Variants in GRK5 observed in about 807,000 individuals in gnomAD.
GRK5 encodes the protein g protein-coupled receptor kinase GRK5.
In GRK5, 40 loss-of-function variants were observed where a neutral mutation model predicts 78.4. The ratio of observed to expected loss-of-function variants is 0.51; its 90% confidence interval spans 0.40 to 0.66. The LOEUF is 0.66. GRK5 is among the 30% of genes least tolerant of loss of function. The pLI, the probability that GRK5 is intolerant of heterozygous loss-of-function variation, is 0.00. For missense variants in GRK5, 598 were observed against 759.9 expected (o/e 0.79, Z 2.50); for synonymous variants, 289 against 296.8 (o/e 0.97, Z 0.27).
At chr10:119,319,307 A>G (rs1197074097) in intron 1 of GRK5, among the ~76,000 whole-genome samples, 1 of 152,226 alleles carries the variant, frequency 6.6e-6, no homozygotes, top group Non-Finnish European at 1.5e-5. Context: ...GGCCAGTGGC[A>G]GCCCGAGCCA....
intron 1 of GRK5, among the ~76,000 whole-genome samples, chr10:119,275,737 G>A (rs1361505469): frequency 3.3e-5 from 5 of 152,106 alleles, no homozygotes; most frequent in Non-Finnish European, 7.4e-5. Flanking sequence ...AAAATTAGAT[G>A]GGTGCGTTTG....
intron 1 of GRK5, among the ~76,000 whole-genome samples, chr10:119,260,205 G>T (rs1849351220): frequency 6.6e-6 from 1 of 152,080 alleles, no homozygotes; most frequent in South Asian, 2.1e-4. Context: ...GTTTCATCGT[G>T]TTAGCCAGGA....
At position 119,455,419 on chromosome 10, in the gene GRK5, T is replaced by A; in HGVS notation, c.*352T>A. The A allele has an allele frequency of 2.2e-6, 1 of 451,408 alleles. No homozygotes were observed. The highest frequency in any genetic ancestry group is 1.8e-5 in the South Asian group (1 of 56,832). 28.0% of individuals were successfully genotyped at this position (451,408 alleles called of 1,614,324 possible). A position where few individuals can be genotyped will look rare whatever the true frequency, so the allele number is the denominator to read the frequency against. On this transcript the variant is annotated 3_prime_UTR_variant, in exon 16 of 16. Transcript: ENST00000392870. ...AAAAGTTTTGTAAATTTCTCTACTG[T>A]CTCAGTTTACATTTTGTATATTTGT...
intron 2 of GRK5, among the ~76,000 whole-genome samples, chr10:119,365,074 G>A (rs913483396): frequency 7.2e-5 from 11 of 152,280 alleles, no homozygotes; most frequent in Middle Eastern, 3.4e-3. Flanking sequence ...GCATTAACAC[G>A]GAGCAGCAGC....
intron 1 of GRK5, among the ~76,000 whole-genome samples, chr10:119,306,537 CTG>C (rs993126142): frequency 4.3e-4 from 65 of 152,276 alleles, no homozygotes; most frequent in African/African-American, 1.3e-3. Flanking sequence ...CAAACCCACA[CTG>C]AGATCACACA....
At position 119,431,599 on chromosome 10, in the gene GRK5, C is replaced by T. The variant is rs561429004; in HGVS notation, c.738+72C>T. 3.9e-5 allele frequency: 60 copies of T among 1,540,222 alleles called. No homozygotes were observed. Among genetic ancestry groups the T allele is most frequent in the South Asian group, 4.9e-5 (4 of 81,968 alleles). ...TGGGGCTTCCCTCCCTCCGGAAGGG[C>T]GTGGTCCTCTAATGCGGCCGGTCCC... On this transcript the variant is annotated intron_variant, in intron 8 of 15. Coordinates refer to ENST00000392870, the MANE Select transcript of GRK5 (RefSeq NM_005308.3). This position sits in a 1 kb window ranked among gnomAD's most constrained non-coding sequence, Gnocchi z 4.8.
intron 1 of GRK5, among the ~76,000 whole-genome samples, chr10:119,270,239 T>C (rs1008236701): frequency 2.0e-5 from 3 of 152,004 alleles, no homozygotes; most frequent in Non-Finnish European, 4.4e-5. Flanking sequence ...TGTGTAATTG[T>C]ACCTTCATTG....
At chr10:119,427,816 ACCATCATCAGCATCACTG>A (rs1340652431) in intron 6 of GRK5, among the ~76,000 whole-genome samples, 2 of 138,122 alleles carry the variant, frequency 1.4e-5, no homozygotes, top group African/African-American at 5.0e-5. Context: ...CAGCATCACC[ACCATCATCAGCATCACTG>A]CCATCATCAG....
At chr10:119,410,694 G>A (rs1017397526) in intron 4 of GRK5, among the ~76,000 whole-genome samples, 3 of 152,106 alleles carry the variant, frequency 2.0e-5, no homozygotes, top group African/African-American at 7.2e-5. Flanking sequence ...GTCTAGAAAA[G>A]TGTCAGTTCT....
Position 119,238,448 on chromosome 10 carries a change from T to G in GRK5, c.52+30479T>G, listed in dbSNP as rs936542945. The stretch of plus-strand genomic sequence containing the variant: ...GACCCAATGGTCTCCCCAGCCTTCT[T>G]TGTTCTGATACTACACACCCCACCC... On this transcript the variant is annotated intron_variant, in intron 1 of 15. Transcript: ENST00000392870. This position sits in a 1 kb window ranked among gnomAD's most constrained non-coding sequence, Gnocchi z 4.7. 3.3e-5 allele frequency among the ~76,000 whole-genome samples: 5 copies of G among 152,170 alleles called. No individual in the cohort carries two copies. The highest frequency in any genetic ancestry group is 5.9e-5 in the Non-Finnish European group (4 of 68,026).
intron 1 of GRK5, among the ~76,000 whole-genome samples, chr10:119,276,469 A>G (rs914098034): frequency 1.3e-5 from 2 of 152,158 alleles, no homozygotes; most frequent in African/African-American, 4.8e-5. Context: ...CATGGTGTAT[A>G]TGTGCCACAT....
rs771027736 is a variant in GRK5 at position 119,455,104 on chromosome 10, C to A, written c.*37C>A. 6.9e-7 allele frequency: 1 copy of A among 1,453,440 alleles called. No individual in the cohort carries two copies. Among genetic ancestry groups the A allele is most frequent in the Non-Finnish European group, 9.7e-7 (1 of 1,033,878 alleles). 90.0% of individuals were successfully genotyped at this position (1,453,440 alleles called of 1,614,324 possible). The stretch of plus-strand genomic sequence containing the variant: ...GCCTCCAAGTCCACAGTGGAACCAG[C>A]CCAGACCCTTCTCCTTAGAAGTGGA... On this transcript the variant is annotated 3_prime_UTR_variant, in exon 16 of 16. Transcript: ENST00000392870.
chr10:119,412,212 C>A lies in GRK5; in HGVS notation c.340-10954C>A, dbSNP rs1312514785. ...CATGGGAAACGGTGAGCATCACCTT[C>A]CTTTGAACTCAAAAGAGGCACAGTG... On this transcript the variant is annotated intron_variant, in intron 4 of 15. Transcript: ENST00000392870. This position sits in a 1 kb window ranked among gnomAD's most constrained non-coding sequence, Gnocchi z 4.3. Among the ~76,000 whole-genome samples, 2 of 152,126 alleles carry A rather than the reference C, an allele frequency of 1.3e-5. No homozygotes were observed. The highest frequency in any genetic ancestry group is 2.4e-5 in the African/African-American group (1 of 41,424).
chr10:119,241,779 T>C (rs1299870247), intron 1 of GRK5, among the ~76,000 whole-genome samples: 1 of 152,034 alleles, frequency 6.6e-6, no homozygotes, highest in African/African-American at 2.4e-5. Context: ...GGTTCATTGG[T>C]TGGGGGTTAC....
chr10:119,373,912 C>T (rs973680013), intron 2 of GRK5, among the ~76,000 whole-genome samples: 5 of 152,136 alleles, frequency 3.3e-5, no homozygotes, highest in African/African-American at 7.2e-5. Context: ...ACTACAACAG[C>T]GAGCTGAATC....
At chr10:119,423,078 C>A in intron 4 of GRK5, 88 bp from the exon 5 acceptor site, 1 of 829,204 alleles carries the variant, frequency 1.2e-6, no homozygotes, top group Non-Finnish European at 2.1e-6. Context: ...TGGAGCGTGG[C>A]TGGTTCTTGG....
intron 1 of GRK5, among the ~76,000 whole-genome samples, chr10:119,303,086 T>A (rs1351250854): frequency 2.0e-5 from 3 of 151,916 alleles, no homozygotes; most frequent in Non-Finnish European, 4.4e-5. Flanking sequence ...CGCAGAGAGG[T>A]GCACTCGTGG....
intron 2 of GRK5, among the ~76,000 whole-genome samples, chr10:119,344,586 C>T (rs977918699): frequency 2.6e-5 from 4 of 152,188 alleles, no homozygotes; most frequent in South Asian, 2.1e-4. Context: ...GATGGTTTCT[C>T]GCTCCCCTGC....
chr10:119,392,001 C>T lies in GRK5; in HGVS notation c.262-4694C>T, dbSNP rs1017289591. On this transcript the variant is annotated intron_variant, in intron 3 of 15. Transcript: ENST00000392870. The stretch of plus-strand genomic sequence containing the variant: ...GTCTAAGGCCAGGAGGAATTCAGCC[C>T]AGACTGCCCTTTCTAAACCTAGGGC... Among the ~76,000 whole-genome samples, 5 of 152,150 alleles carry T rather than the reference C, an allele frequency of 3.3e-5. No individual in the cohort carries two copies. The South Asian group carries it at 1.0e-3, about 32-fold the overall frequency.
Sources: gnomAD v4.1 joint callset for allele counts (sites outside exome capture counted in the v4.1 genomes callset) on GRCh38, gnomAD v4.1.1 for gene constraint, Gnocchi (gnomAD v3.1) non-coding constraint, MANE v1.5 for transcripts, NCBI Gene and HGNC (gene_info 2026-07-23, HGNC 2026-07-21) for gene names.